Variants in NAAA observed in about 807,000 individuals in gnomAD.
NAAA encodes the protein N-acylethanolamine acid amidase, also known as N-acylethanolamine-hydrolyzing acid amidase.
A neutral mutation model predicts 44.8 loss-of-function variants in NAAA; 39 were observed. The ratio of observed to expected loss-of-function variants is 0.87; its 90% CI spans 0.67 to 1.14. The LOEUF (loss-of-function observed/expected upper bound fraction) is 1.14. NAAA is among the 50% of genes most tolerant of loss of function. The probability of loss-of-function intolerance (pLI) is 0.00; values close to 1 mark genes in which losing one functional copy is unlikely to be tolerated. For synonymous variants in NAAA, 178 were observed against 191.3 expected (o/e 0.93, Z 0.58); for missense variants, 460 against 467.8 (o/e 0.98, Z 0.15).
chr4:75,929,427 G>A (rs375274055), intron 4 of NAAA, among the ~76,000 whole-genome samples: 12 of 152,178 alleles, frequency 7.9e-5, no homozygotes, highest in African/African-American at 2.7e-4. Flanking sequence ...ACAGGCAGGT[G>A]CCACCATGCC....
At position 75,925,690 on chromosome 4, in the gene NAAA, A is replaced by C; in HGVS notation, c.666+45T>G. 1.9e-6 allele frequency: 3 copies of C among 1,550,682 alleles called. 1 individual carries two copies. In the South Asian group the frequency reaches 3.3e-5, roughly 17 times the overall value. ...GTTAAATGACACAGAACAGTTTAGA[A>C]GGTGGAGGTGGAGTTAAGGAGGGCT... On this transcript the variant is annotated intron_variant, in intron 5 of 10. Transcript: ENST00000286733.
rs186798098 is a variant in NAAA at position 75,919,513 on chromosome 4, C to T, written c.969+396G>A. 121 of 232,436 alleles carry T rather than the reference C, an allele frequency of 5.2e-4. 1 individual carries two copies. Among genetic ancestry groups the T allele is most frequent in the African/African-American group, 2.5e-3 (111 of 43,598 alleles). 14.4% of individuals were successfully genotyped at this position (232,436 alleles called of 1,614,324 possible). A position where few individuals can be genotyped will look rare whatever the true frequency, so the allele number is the denominator to read the frequency against. On this transcript the variant is annotated intron_variant, in intron 8 of 10. Coordinates refer to ENST00000286733, the MANE Select transcript of NAAA (RefSeq NM_014435.4). ...TTTTTTTTTTTTTGAGACGGAGTCT[C>T]GCTCTGTCAGGCTGGAGTGCAGTGG...
At chr4:75,937,568 C>T (rs1560520871) in intron 2 of NAAA, among the ~76,000 whole-genome samples, 1 of 152,176 alleles carries the variant, frequency 6.6e-6, no homozygotes, top group Non-Finnish European at 1.5e-5. Flanking sequence ...TCACTGCAGC[C>T]GTGACTTCCC....
chr4:75,920,163 G>A (rs747727277), intron 7 of NAAA, among the ~76,000 whole-genome samples, 188 bp from the exon 8 acceptor site: 16 of 152,354 alleles, frequency 1.1e-4, no homozygotes, highest in Admixed American at 3.3e-4. Flanking sequence ...CAGCAGCTGG[G>A]ACGGTTGGCA....
intron 4 of NAAA, among the ~76,000 whole-genome samples, chr4:75,926,650 A>T (rs1051394355): frequency 6.6e-6 from 1 of 152,122 alleles, no homozygotes; most frequent in Non-Finnish European, 1.5e-5. Flanking sequence ...AGAGATTAAT[A>T]TCCAGAGTAT....
intron 2 of NAAA, among the ~76,000 whole-genome samples, chr4:75,936,975 G>A (rs1578087371): frequency 6.6e-6 from 1 of 152,184 alleles, no homozygotes; most frequent in Admixed American, 6.5e-5. Flanking sequence ...AAAATATCCT[G>A]AAGGGTTTTT....
chr4:75,940,735 C>G lies in NAAA; in HGVS notation c.206+9G>C, dbSNP rs1400933091. ...GTCCCCGCAGACCCCGTCCAGGGCCCCAGCTCACCCGATGACTTGCGCCAT... is the reference window on the plus strand; with the variant it reads ...GTCCCCGCAGACCCCGTCCAGGGCCGCAGCTCACCCGATGACTTGCGCCAT... On this transcript the variant is annotated intron_variant, in intron 1 of 10. Transcript: ENST00000286733. 6.3e-7 allele frequency: 1 copy of G among 1,593,544 alleles called. No individual in the cohort carries two copies. The highest frequency in any genetic ancestry group is 2.3e-5 in the East Asian group (1 of 44,154).
chr4:75,925,701 G>C lies in NAAA; in HGVS notation c.666+34C>G, dbSNP rs369906842. 23 of 1,594,782 alleles carry C rather than the reference G, an allele frequency of 1.4e-5. No individual in the cohort carries two copies. The African/African-American group carries it at 2.8e-4, about 20-fold the overall frequency. ...CAGAACAGTTTAGAAGGTGGAGGTG[G>C]AGTTAAGGAGGGCTCCACATTAAAT... On this transcript the variant is annotated intron_variant, in intron 5 of 10. Coordinates refer to ENST00000286733, the MANE Select transcript of NAAA (RefSeq NM_014435.4).
chr4:75,923,324 G>A (rs113758732), intron 5 of NAAA, among the ~76,000 whole-genome samples: 3,488 of 152,196 alleles, frequency 0.023, 129 homozygotes, highest in African/African-American at 0.079. Flanking sequence ...TAGGCAGATA[G>A]TGAGGGTAGA....
chr4:75,936,010 A>T, intron 3 of NAAA, 99 bp downstream of exon 3: 3 of 1,443,784 alleles, frequency 2.1e-6, no homozygotes, highest in Non-Finnish European at 2.9e-6. Flanking sequence ...TTTGTGTCTT[A>T]CACTGATAAC....
intron 3 of NAAA, among the ~76,000 whole-genome samples, chr4:75,933,265 T>A (rs1485055193): frequency 6.6e-6 from 1 of 152,108 alleles, no homozygotes; most frequent in African/African-American, 2.4e-5. Context: ...AGGTCAGTAA[T>A]GTTTTTCATT....
chr4:75,915,871 T>C (rs1230550734), intron 9 of NAAA, among the ~76,000 whole-genome samples: 1 of 152,186 alleles, frequency 6.6e-6, no homozygotes, highest in Non-Finnish European at 1.5e-5. Flanking sequence ...TGTGCCCACA[T>C]GTACACACAT....
intron 4 of NAAA, among the ~76,000 whole-genome samples, chr4:75,928,518 G>A (rs962479491): frequency 6.6e-6 from 1 of 152,156 alleles, no homozygotes; most frequent in Non-Finnish European, 1.5e-5. Context: ...GAGAGGGACA[G>A]ATTTGAGTAG....
In NAAA at chr4:75,936,007, C is replaced by T. The variant is rs1727673693; in HGVS notation, c.498+102G>A. On this transcript the variant is annotated intron_variant, in intron 3 of 10. Transcript: ENST00000286733. ...TTCCAGGGGTGTGATTTTTTTGTGT[C>T]TTACACTGATAACACACTTAAGTTA... is the stretch of plus-strand genomic sequence containing the variant. 8 of 1,428,988 alleles carry T rather than the reference C, an allele frequency of 5.6e-6. No individual in the cohort carries two copies. In the South Asian group the frequency reaches 7.1e-5, roughly 13 times the overall value. The allele number at this position is 1,428,988 out of a possible 1,614,324, so 88.5% of individuals were successfully genotyped here. A position where few individuals can be genotyped will look rare whatever the true frequency, so the allele number is the denominator to read the frequency against.
chr4:75,922,264 C>T (rs980592979), intron 5 of NAAA, among the ~76,000 whole-genome samples: 5 of 151,702 alleles, frequency 3.3e-5, no homozygotes, highest in Admixed American at 6.6e-5. Flanking sequence ...TTATACTTAG[C>T]TATGCAGGGA....
At chr4:75,928,944 C>A (rs1284210142) in intron 4 of NAAA, among the ~76,000 whole-genome samples, 1 of 147,720 alleles carries the variant, frequency 6.8e-6, no homozygotes, top group East Asian at 2.0e-4. Context: ...CCCGCCACCA[C>A]GCCCGGCTAA....
chr4:75,940,280 TCC>T, intron 1 of NAAA, 115 bp from the exon 2 acceptor site: 1 of 1,008,786 alleles, frequency 9.9e-7, no homozygotes, highest in Non-Finnish European at 1.3e-6. Context: ...GGGCCACTGC[TCC>T]CCAGTCAGTG....
At chr4:75,920,249 T>TA (rs1726023027) in intron 7 of NAAA, among the ~76,000 whole-genome samples, 1 of 152,226 alleles carries the variant, frequency 6.6e-6, no homozygotes. Context: ...TGTGGGGTAG[T>TA]AAAGCCAAGG....
intron 4 of NAAA, among the ~76,000 whole-genome samples, chr4:75,928,948 C>T (rs964041298): frequency 1.2e-4 from 17 of 142,504 alleles, no homozygotes; most frequent in East Asian, 2.0e-4. Context: ...CCACCACGCC[C>T]GGCTAAATTT....
Sources: allele counts gnomAD v4.1 joint callset (sites outside exome capture counted in the v4.1 genomes callset), GRCh38; gene constraint gnomAD v4.1.1; transcripts MANE v1.5; gene names NCBI Gene and HGNC (gene_info 2026-07-23, HGNC 2026-07-21).